BRI3: variants seen among roughly 807,000 people sequenced by gnomAD.
The protein encoded by BRI3 is brain protein I3.
BRI3 carries 6 observed loss-of-function variants against 12.8 expected under a neutral mutation model. The observed-to-expected ratio is 0.47, with a 90% confidence interval of 0.26 to 0.93. The LOEUF is 0.93. BRI3 is among the 40% of genes least tolerant of loss of function. BRI3 has a pLI of 0.15. For missense variants in BRI3, 134 were observed against 171.1 expected, an observed-to-expected ratio of 0.78 and a Z score of 1.21; for synonymous variants, 91 against 76.1, an observed-to-expected ratio of 1.20 and a Z score of -1.02.
chr7:98,292,674 TGA>T (rs373723493), downstream of BRI3: 362 of 1,551,620 alleles, frequency 2.3e-4, 1 homozygote, highest in African/African-American at 4.0e-3. Flanking sequence ...ACGTATCCTT[TGA>T]GAGTCTGTAC....
At chr7:98,283,144 A>G (rs974190327) in intron 2 of BRI3, 7 of 152,180 alleles carry the variant, frequency 4.6e-5, no homozygotes, top group African/African-American at 1.7e-4. Flanking sequence ...GATTAATTAA[A>G]TATAAACCCT....
downstream of BRI3, chr7:98,292,626 C>T (rs753296628): frequency 5.9e-5 from 92 of 1,551,472 alleles, no homozygotes; most frequent in Admixed American, 4.3e-4. Flanking sequence ...CTGAAAAACC[C>T]GCCCTTCTCC....
At chr7:98,311,933 T>C (rs1438481145), downstream of BRI3, among the ~76,000 whole-genome samples, 1 of 152,052 alleles carries the variant, frequency 6.6e-6, no homozygotes, top group Non-Finnish European at 1.5e-5. Flanking sequence ...AACAAACATG[T>C]GCCCAGCTAC....
chr7:98,319,115 G>A, the BRI3 span, among the ~76,000 whole-genome samples: 17,953 of 152,146 alleles, frequency 0.12, 1,315 homozygotes, highest in South Asian at 0.23. Flanking sequence ...GAGGACGACA[G>A]GGGAGGGATG....
chr7:98,313,982 CTTTT>C (rs35599338), downstream of BRI3, among the ~76,000 whole-genome samples: 92 of 100,964 alleles, frequency 9.1e-4, no homozygotes, highest in African/African-American at 3.1e-3. Flanking sequence ...CTTTTTCTTC[CTTTT>C]TTTTTTTTTT....
At chr7:98,293,200 A>T (rs944055610), downstream of BRI3, 1 of 300,538 alleles carries the variant, frequency 3.3e-6, no homozygotes, top group East Asian at 6.3e-5. Flanking sequence ...ACTATCCCTT[A>T]TTCTGGCTGT....
chr7:98,312,002 G>T, downstream of BRI3: 2 of 1,282,690 alleles, frequency 1.6e-6, no homozygotes, highest in South Asian at 1.5e-5. Flanking sequence ...AAGTAATAAA[G>T]GGGGACCTGT....
At chr7:98,301,799 A>G (rs1800441613), upstream of BRI3, among the ~76,000 whole-genome samples, 1 of 152,042 alleles carries the variant, frequency 6.6e-6, no homozygotes, top group Non-Finnish European at 1.5e-5. Context: ...TCTCCCGTGG[A>G]GGGGACAGCC....
chr7:98,283,894 C>G (rs1799619597), intron 2 of BRI3, among the ~76,000 whole-genome samples: 1 of 152,170 alleles, frequency 6.6e-6, no homozygotes, highest in Non-Finnish European at 1.5e-5. Flanking sequence ...GCCAGATATC[C>G]CAGGGCTGGG....
At chr7:98,293,046 ATTGC>A (rs1319271790), downstream of BRI3, 4 of 881,296 alleles carry the variant, frequency 4.5e-6, no homozygotes, top group African/African-American at 7.1e-5. Context: ...CATAATTTAT[ATTGC>A]TTAAAATTAT....
In BRI3 at chr7:98,308,147, T is replaced by C; in HGVS notation, n.777T>C. The C allele has an allele frequency of 3.2e-6, 2 of 628,388 alleles. 1 individual carries two copies. The highest frequency in any genetic ancestry group is 3.0e-5 in the South Asian group (2 of 66,090). 38.9% of individuals were successfully genotyped at this position (628,388 alleles called of 1,614,324 possible). Reference sequence around the variant, plus strand: ...GAGGATCCCTGCGGCTGCGGGCTCTTTTCCAGGCCCAAGGACAAGGCGGTG... The same window carrying C: ...GAGGATCCCTGCGGCTGCGGGCTCTCTTCCAGGCCCAAGGACAAGGCGGTG... On this transcript the variant is annotated non_coding_transcript_exon_variant, in exon 2 of 2. Coordinates refer to the BRI3 transcript ENST00000485422.
downstream of BRI3, among the ~76,000 whole-genome samples, chr7:98,296,916 C>T (rs1800215517): frequency 6.6e-6 from 1 of 152,204 alleles, no homozygotes. Context: ...TCACACTCAG[C>T]CCACTGTGGT....
At chr7:98,289,237 C>T (rs948062590) in intron 2 of BRI3, among the ~76,000 whole-genome samples, 11 of 152,256 alleles carry the variant, frequency 7.2e-5, no homozygotes, top group African/African-American at 1.7e-4. Context: ...GGATGACAAG[C>T]ATGAGCCACT....
chr7:98,298,066 G>A (rs879740093), intron 1 of BRI3, among the ~76,000 whole-genome samples: 12 of 152,020 alleles, frequency 7.9e-5, no homozygotes, highest in Non-Finnish European at 1.5e-4. Context: ...TCTTATCATT[G>A]TTAATAAAAA....
At chr7:98,314,729 C>A (rs942891841), downstream of BRI3, among the ~76,000 whole-genome samples, 3 of 152,140 alleles carry the variant, frequency 2.0e-5, no homozygotes, top group Admixed American at 1.3e-4. Context: ...GCCCGTGACC[C>A]CCGGACACGG....
intron 2 of BRI3, among the ~76,000 whole-genome samples, chr7:98,288,788 A>AGGTTGGGGGGGG (rs11275179): frequency 1.3e-5 from 2 of 150,564 alleles, no homozygotes; most frequent in Non-Finnish European, 3.0e-5. Context: ...TTTTGTAGGG[A>AGGTTGGGGGGGG]GGGGTCTTTG....
In BRI3 at chr7:98,291,427, C is replaced by T. The variant is rs1432788240; in HGVS notation, c.*184C>T. The T allele has an allele frequency of 7.0e-7, 1 of 1,424,126 alleles. No individual in the cohort carries two copies. Among genetic ancestry groups the T allele is most frequent in the East Asian group, 2.6e-5 (1 of 38,820 alleles). The allele number at this position is 1,424,126 out of a possible 1,614,324, so 88.2% of individuals were successfully genotyped here. A position where few individuals can be genotyped will look rare whatever the true frequency, so the allele number is the denominator to read the frequency against. On this transcript the variant is annotated 3_prime_UTR_variant, in exon 3 of 3. Transcript: ENST00000297290. The stretch of plus-strand genomic sequence containing the variant: ...GCAGTGCTGCTGCTCCCGCCCGAGG[C>T]TCATGACAACTCAATAAAGCACTGC...
intron 2 of BRI3, among the ~76,000 whole-genome samples, chr7:98,288,157 A>G (rs1008205523): frequency 1.3e-5 from 2 of 152,070 alleles, no homozygotes; most frequent in Non-Finnish European, 2.9e-5. Flanking sequence ...GTTTCCTGGG[A>G]TTTGACCGCA....
chr7:98,293,424 C>G, downstream of BRI3: 1 of 1,179,038 alleles, frequency 8.5e-7, no homozygotes, highest in South Asian at 1.3e-5. Context: ...GGCCTCTCCA[C>G]TGAAGCTTCC....
Sources: gnomAD v4.1 joint callset for allele counts (sites outside exome capture counted in the v4.1 genomes callset) on GRCh38, gnomAD v4.1.1 for gene constraint, MANE v1.5 for transcripts, NCBI Gene and HGNC (gene_info 2026-07-23, HGNC 2026-07-21) for gene names.